The following PTCRA variants were observed in gnomAD, a reference collection of about 807,000 sequenced individuals.
PTCRA encodes pre T cell antigen receptor alpha.
PTCRA carries 9 observed loss-of-function variants against 13.4 expected under a neutral mutation model. The ratio of observed to expected loss-of-function variants is 0.67; its 90% CI spans 0.41 to 1.18. The LOEUF (loss-of-function observed/expected upper bound fraction) is 1.18. Ranked by LOEUF, PTCRA falls within the 50% of genes most tolerant of loss-of-function variation. The pLI, the probability that PTCRA is intolerant of heterozygous loss-of-function variation, is 0.01. For synonymous variants in PTCRA, 153 were observed against 161.9 expected (o/e 0.94, Z 0.42); for missense variants, 353 against 359.8 (o/e 0.98, Z 0.15).
At position 42,923,183 on chromosome 6, in the gene PTCRA, A is replaced by T; in HGVS notation, c.215A>T (p.Asp72Val). Residue 72 changes from aspartate to valine, a missense_variant, in exon 2 of 4, where the codon GAT (aspartate) becomes GTT (valine). Asp to Val is a radical substitution (Grantham distance 152, BLOSUM62 -3). Coordinates refer to ENST00000304672, the MANE Select transcript of PTCRA (RefSeq NM_138296.3). The stretch of plus-strand genomic sequence containing the variant: ...TCAGCCGGCAATGGCAGTGCACTGG[A>T]TGCCTTCACCTATGGCCCTTCCCCA... ...WFSAGNGSAL[D>V]AFTYGPSPAT... 2 of 1,614,212 alleles carry T rather than the reference A, an allele frequency of 1.2e-6. No individual in the cohort carries two copies. The highest frequency in any genetic ancestry group is 1.7e-6 in the Non-Finnish European group (2 of 1,180,034).
Position 42,917,228 on chromosome 6 carries a change from AT to A in PTCRA, c.58+1103del, listed in dbSNP as rs564541465. Among the ~76,000 whole-genome samples, 475 of 122,852 alleles carry A rather than the reference AT, an allele frequency of 3.9e-3. 2 individuals carry two copies. Among genetic ancestry groups the A allele is most frequent in the African/African-American group, 0.018 (449 of 25,274 alleles). The allele number at this position is 122,852 out of a possible 152,430, so 80.6% of individuals were successfully genotyped here. A position where few individuals can be genotyped will look rare whatever the true frequency, so the allele number is the denominator to read the frequency against. The stretch of plus-strand genomic sequence containing the variant: ...TATTATTATTATTATTATTATTATT[AT>A]TATTTATTTTTGAGACAGAGTCTCG... On this transcript the variant is annotated intron_variant, in intron 1 of 3. Coordinates refer to ENST00000304672, the MANE Select transcript of PTCRA (RefSeq NM_138296.3).
intron 2 of PTCRA, 78 bp downstream of exon 2, chr6:42,923,425 G>A: frequency 2.9e-6 from 4 of 1,397,974 alleles, no homozygotes; most frequent in Non-Finnish European, 4.0e-6. Flanking sequence ...GGGAGGGCAG[G>A]CTCCAGGCCA....
chr6:42,924,025 G>C (rs971754608), intron 2 of PTCRA, among the ~76,000 whole-genome samples: 1 of 152,186 alleles, frequency 6.6e-6, no homozygotes, highest in Non-Finnish European at 1.5e-5. Flanking sequence ...CACAGAACAG[G>C]GGACACTGCA....
Position 42,923,324 on chromosome 6 carries a change from G to T in PTCRA, c.356G>T (p.Ser119Ile). Residue 119 changes from serine to isoleucine, a missense_variant, in exon 2 of 4, where the codon AGT becomes ATT. Physicochemically the swap from Ser to Ile is moderately radical, Grantham distance 142. Transcript: ENST00000304672. ...CCTGGGGCTGAGGGTCACAGCAGGA[G>T]TACACAGCCCATGCATCTGTCAGGT... ...TGPGAEGHSR[S>I]TQPMHLSGEA... 6.2e-7 allele frequency: 1 copy of T among 1,614,194 alleles called. No homozygotes were observed. Among genetic ancestry groups the T allele is most frequent in the South Asian group, 1.1e-5 (1 of 91,086 alleles).
intron 2 of PTCRA, 87 bp downstream of exon 2, chr6:42,923,434 C>A: frequency 7.6e-7 from 1 of 1,315,936 alleles, no homozygotes; most frequent in Non-Finnish European, 1.1e-6. Flanking sequence ...GGCTCCAGGC[C>A]ACAAAGGCAT....
At chr6:42,923,449 G>A in intron 2 of PTCRA, 102 bp downstream of exon 2, 1 of 1,154,064 alleles carries the variant, frequency 8.7e-7, no homozygotes, top group Non-Finnish European at 1.2e-6. Flanking sequence ...AGGCATGAAG[G>A]GTGTCCAAGC....
intron 1 of PTCRA, among the ~76,000 whole-genome samples, chr6:42,921,554 A>G (rs1028079319): frequency 6.9e-6 from 1 of 145,494 alleles, no homozygotes; most frequent in Non-Finnish European, 1.5e-5. Flanking sequence ...AGTAGCTGGG[A>G]TTACAGGCAC....
chr6:42,920,475 A>G (rs1405489556), intron 1 of PTCRA, among the ~76,000 whole-genome samples: 1 of 150,654 alleles, frequency 6.6e-6, no homozygotes, highest in Non-Finnish European at 1.5e-5. Flanking sequence ...CCCAGGCTGG[A>G]GTGCAGTGGC....
In PTCRA at chr6:42,925,355, C is replaced by T. The variant is rs766577832; in HGVS notation, c.519C>T (p.Cys173=). ...TGCTCCTGACCTGCAGCTGCCTGTG[C>T]GACCCCGCGGGCCCGCTGCCTTCCC... is the stretch of plus-strand genomic sequence containing the variant. ...FDLLLTCSCL[C]DPAGPLPSPA... Residue 173 remains cysteine, a synonymous_variant, in exon 4 of 4, where the codon TGC becomes TGT. Coordinates refer to ENST00000304672, the MANE Select transcript of PTCRA (RefSeq NM_138296.3). The surrounding 1 kb of genome is among the most constrained non-coding windows in gnomAD (Gnocchi z 4.4). The T allele has an allele frequency of 1.1e-5, 17 of 1,562,466 alleles. No individual in the cohort carries two copies. Among genetic ancestry groups the T allele is most frequent in the Admixed American group, 1.9e-5 (1 of 53,442 alleles).
At chr6:42,921,418 T>C (rs1353928747) in intron 1 of PTCRA, among the ~76,000 whole-genome samples, 52 of 140,514 alleles carry the variant, frequency 3.7e-4, no homozygotes, top group South Asian at 2.8e-3. Flanking sequence ...GCTTCTTTTT[T>C]TTTTTTTTTT....
Position 42,925,545 on chromosome 6 carries a change from G to C in PTCRA, c.709G>C (p.Gly237Arg). ...GCCCGGGAGCCCAGTATGGGGGGAA[G>C]GGTCTTACCTCAGCAGTTACCCCAC... ...RKPGSPVWGE[G>R]SYLSSYPTCP... Residue 237 changes from glycine to arginine, a missense_variant, in exon 4 of 4, where the codon GGG (glycine) becomes CGG (arginine). Physicochemically the swap from Gly to Arg is moderately radical, Grantham distance 125. Coordinates refer to ENST00000304672, the MANE Select transcript of PTCRA (RefSeq NM_138296.3). The surrounding 1 kb of genome is among the most constrained non-coding windows in gnomAD (Gnocchi z 4.4). The C allele has an allele frequency of 6.3e-7, 1 of 1,592,674 alleles. No individual in the cohort carries two copies. Among genetic ancestry groups the C allele is most frequent in the Non-Finnish European group, 8.6e-7 (1 of 1,168,668 alleles).
At position 42,925,635 on chromosome 6, in the gene PTCRA, T is replaced by G; in HGVS notation, c.799T>G (p.Phe267Val). 1 of 1,559,504 alleles carries G rather than the reference T, an allele frequency of 6.4e-7. No individual in the cohort carries two copies. Among genetic ancestry groups the G allele is most frequent in the East Asian group, 2.3e-5 (1 of 44,434 alleles). ...LRAPSSSLGA[F>V]FAGDLPPPLQ... ...GGCTCCTTCCTCCAGTCTTGGAGCA[T>G]TTTTTGCAGGTGACCTGCCTCCTCC... Residue 267 changes from phenylalanine (F) to valine (V), a missense_variant, in exon 4 of 4, where the codon TTT (phenylalanine) becomes GTT (valine). Transcript: ENST00000304672. This position sits in a 1 kb window ranked among gnomAD's most constrained non-coding sequence, Gnocchi z 4.4.
chr6:42,917,190 ATATTATTATTATTATTATTAT>A (rs60630405), intron 1 of PTCRA, among the ~76,000 whole-genome samples: 6,180 of 141,070 alleles, frequency 0.044, 410 homozygotes, highest in African/African-American at 0.15. Context: ...TAACAGCATT[ATATTATTATTATTATTATTAT>A]TATTATTATT....
chr6:42,918,109 T>C (rs1343269219), intron 1 of PTCRA, among the ~76,000 whole-genome samples: 1 of 150,154 alleles, frequency 6.7e-6, no homozygotes, highest in African/African-American at 2.5e-5. Flanking sequence ...ATACAAAAAT[T>C]AGCTGGACAT....
chr6:42,920,935 C>CTTTTTTTGTATTTTT (rs1767125208), intron 1 of PTCRA, among the ~76,000 whole-genome samples: 1 of 151,682 alleles, frequency 6.6e-6, no homozygotes, highest in Non-Finnish European at 1.5e-5. Flanking sequence ...GCTGGGACTA[C>CTTTTTTTGTATTTTT]AGGCACGTGC....
chr6:42,920,250 G>A (rs533638530), intron 1 of PTCRA, among the ~76,000 whole-genome samples: 1 of 151,476 alleles, frequency 6.6e-6, no homozygotes, highest in African/African-American at 2.4e-5. Context: ...AACCCGGGAG[G>A]CGGAGCTTGC....
At position 42,923,025 on chromosome 6, in the gene PTCRA, A is replaced by T; in HGVS notation, c.59-2A>T. ...CACCCACAGGTACATGCTCTCTTGC[A>T]GGTGTGGGCGGCACACCCTTTCCTT... On this transcript the variant is annotated splice_acceptor_variant, in intron 1 of 3. Coordinates refer to ENST00000304672, the MANE Select transcript of PTCRA (RefSeq NM_138296.3). LOFTEE classifies it high-confidence loss of function. 1 of 1,613,980 alleles carries T rather than the reference A, an allele frequency of 6.2e-7. No homozygotes were observed. The highest frequency in any genetic ancestry group is 8.5e-7 in the Non-Finnish European group (1 of 1,179,868).
At chr6:42,924,587 G>A (rs943696170) in intron 3 of PTCRA, among the ~76,000 whole-genome samples, 2 of 152,146 alleles carry the variant, frequency 1.3e-5, no homozygotes, top group African/African-American at 2.4e-5. Context: ...ATTAGAGGCC[G>A]TGTAAATGGG....
At chr6:42,916,390 C>T (rs936966798) in intron 1 of PTCRA, among the ~76,000 whole-genome samples, 1 of 152,082 alleles carries the variant, frequency 6.6e-6, no homozygotes, top group African/African-American at 2.4e-5. Context: ...CTGGAGCCCA[C>T]AGTGTTGATA....
Sources: gnomAD v4.1 joint callset for allele counts (sites outside exome capture counted in the v4.1 genomes callset) on GRCh38, gnomAD v4.1.1 for gene constraint, Gnocchi (gnomAD v3.1) non-coding constraint, MANE v1.5 for transcripts, NCBI Gene and HGNC (gene_info 2026-07-23, HGNC 2026-07-21) for gene names.